The following HSCB variants were observed in gnomAD, a reference collection of about 807,000 sequenced individuals.
HSCB encodes HscB mitochondrial iron-sulfur cluster cochaperone, also known as iron-sulfur cluster co-chaperone protein HscB.
In HSCB, 23 loss-of-function variants were observed where a neutral mutation model predicts 31.3. The observed-to-expected ratio is 0.74, with a 90% CI of 0.53 to 1.04. The LOEUF is 1.04. Ranked by LOEUF, HSCB falls within the 50% of genes least tolerant of loss-of-function variation. HSCB has a pLI of 0.00. For missense variants in HSCB, 297 were observed against 288.1 expected (o/e 1.03, Z -0.22); for synonymous variants, 110 against 104.5 (o/e 1.05, Z -0.32).
At chr22:28,746,306 G>A (rs370439783) in intron 4 of HSCB, among the ~76,000 whole-genome samples, 2 of 147,552 alleles carry the variant, frequency 1.4e-5, no homozygotes, top group African/African-American at 2.5e-5. Flanking sequence ...GCGTGAACCC[G>A]AGAGGCAGAG....
chr22:28,748,605 C>A (rs1280407787), intron 4 of HSCB, among the ~76,000 whole-genome samples: 1 of 152,040 alleles, frequency 6.6e-6, no homozygotes, highest in African/African-American at 2.4e-5. Flanking sequence ...CTCCGCCTCC[C>A]AGGTTCCAGC....
At chr22:28,743,709 A>T (rs781560539) in intron 1 of HSCB, among the ~76,000 whole-genome samples, 173 bp from the exon 2 acceptor site, 1 of 152,152 alleles carries the variant, frequency 6.6e-6, no homozygotes, top group East Asian at 1.9e-4. Context: ...TTTGTCCACT[A>T]CATCTGCTAC....
intron 2 of HSCB, among the ~76,000 whole-genome samples, chr22:28,744,218 A>G (rs946475543): frequency 5.9e-5 from 9 of 152,238 alleles, no homozygotes; most frequent in Non-Finnish European, 8.8e-5. Flanking sequence ...CACCAGCTCT[A>G]CTTAACCACT....
At chr22:28,744,095 T>C (rs927843787) in intron 2 of HSCB, 117 bp downstream of exon 2, 9 of 833,800 alleles carry the variant, frequency 1.1e-5, no homozygotes, top group African/African-American at 8.3e-5. Flanking sequence ...GTCTGCCCCA[T>C]GGCAGTCTGA....
intron 5 of HSCB, among the ~76,000 whole-genome samples, chr22:28,755,124 A>T (rs77314977): frequency 2.1e-5 from 3 of 141,346 alleles, no homozygotes; most frequent in South Asian, 2.5e-4. Context: ...AAAAGATGTT[A>T]AATAGGCCGG....
At chr22:28,755,536 T>C (rs1322884874) in intron 5 of HSCB, among the ~76,000 whole-genome samples, 1 of 152,212 alleles carries the variant, frequency 6.6e-6, no homozygotes, top group Non-Finnish European at 1.5e-5. Flanking sequence ...TTTGTGTTAC[T>C]CATTCCCTTG....
intron 4 of HSCB, among the ~76,000 whole-genome samples, chr22:28,746,380 CAAAAAAAAAAAA>C (rs56751858): frequency 1.5e-4 from 11 of 71,576 alleles, no homozygotes; most frequent in Non-Finnish European, 2.8e-4. Flanking sequence ...GACTCCATCT[CAAAAAAAAAAAA>C]AAAAAAAAAA....
chr22:28,757,010 T>C (rs1404115508), intron 5 of HSCB, 68 bp from the exon 6 acceptor site: 4 of 876,038 alleles, frequency 4.6e-6, no homozygotes, highest in Non-Finnish European at 7.8e-6. Flanking sequence ...ATCGCTGCCC[T>C]AGTCATCAGA....
chr22:28,744,238 G>T (rs1400246604), intron 2 of HSCB, among the ~76,000 whole-genome samples: 1 of 152,192 alleles, frequency 6.6e-6, no homozygotes, highest in African/African-American at 2.4e-5. Context: ...TTCCTTAGGT[G>T]CCTGCCCATT....
At position 28,751,260 on chromosome 22, in the gene HSCB, T is replaced by C. The variant is rs1201803586; in HGVS notation, c.588T>C (p.Thr196=). 2 of 1,601,314 alleles carry C rather than the reference T, an allele frequency of 1.2e-6. No homozygotes were observed. The highest frequency in any genetic ancestry group is 8.5e-7 in the Non-Finnish European group (1 of 1,171,986). ...SIVKAKQKEF[T]DNVSSAFEQD... ...TTTCAGCTAAACAGAAAGAATTTACTGACAATGTGAGCAGTGCTTTTGAAC... is the reference window on the plus strand; with the variant it reads ...TTTCAGCTAAACAGAAAGAATTTACCGACAATGTGAGCAGTGCTTTTGAAC... The change falls in exon 5 of 6, where the codon ACT becomes ACC. Residue 196 remains threonine (T), a synonymous_variant. Coordinates refer to ENST00000216027, the MANE Select transcript of HSCB (RefSeq NM_172002.5).
intron 4 of HSCB, among the ~76,000 whole-genome samples, chr22:28,749,369 T>G (rs1308792926): frequency 6.6e-6 from 1 of 152,114 alleles, no homozygotes; most frequent in African/African-American, 2.4e-5. Context: ...AGTTAACCCC[T>G]CCTTCTTCAG....
At chr22:28,749,002 G>A (rs927886827) in intron 4 of HSCB, among the ~76,000 whole-genome samples, 4 of 152,114 alleles carry the variant, frequency 2.6e-5, no homozygotes, top group African/African-American at 9.7e-5. Context: ...TTAACCAGAT[G>A]TGGTGGCGCA....
intron 2 of HSCB, 25 bp downstream of exon 2, chr22:28,744,003 A>G (rs1183180744): frequency 6.7e-7 from 1 of 1,503,052 alleles, no homozygotes; most frequent in Admixed American, 1.7e-5. Flanking sequence ...AACCCCAATA[A>G]TCCCCAAATA....
rs1569181250 is a variant in HSCB at position 28,742,273 on chromosome 22, C to T, written c.178C>T (p.Gln60Ter). ...PGREDRFFCP[Q>*]CRALQAPDPT... The stretch of plus-strand genomic sequence containing the variant: ...GCGGGAGGACAGGTTCTTCTGCCCA[C>T]AGTGCCGAGCGCTGCAGGCACCTGA... Residue 60 changes from glutamine (Q) to a stop codon, truncating the protein, a stop_gained, in exon 1 of 6, where the codon CAG (glutamine) becomes TAG (stop). Coordinates refer to ENST00000216027, the MANE Select transcript of HSCB (RefSeq NM_172002.5). LOFTEE classifies it high-confidence loss of function. 1 of 1,614,052 alleles carries T rather than the reference C, an allele frequency of 6.2e-7. No homozygotes were observed. The highest frequency in any genetic ancestry group is 8.5e-7 in the Non-Finnish European group (1 of 1,180,036).
rs142278980 is a variant in HSCB at position 28,755,955 on chromosome 22, C to G, written c.617-1123C>G. ...GGCAAAATCATCCCCAGTTGAAAAT[C>G]ACTGGTCTGGCCAGGCATGGTGGCT... On this transcript the variant is annotated intron_variant, in intron 5 of 5. Transcript: ENST00000216027. Among the ~76,000 whole-genome samples, 19 of 152,232 alleles carry G rather than the reference C, an allele frequency of 1.2e-4. No homozygotes were observed. The East Asian group carries it at 3.7e-3, about 29-fold the overall frequency.
At chr22:28,756,067 T>C (rs1049663993) in intron 5 of HSCB, among the ~76,000 whole-genome samples, 1 of 151,720 alleles carries the variant, frequency 6.6e-6, no homozygotes, top group Non-Finnish European at 1.5e-5. Flanking sequence ...GCCAACATGG[T>C]GAAACCCTGC....
chr22:28,745,826 C>T, intron 3 of HSCB, 38 bp from the exon 4 acceptor site: 2 of 1,564,156 alleles, frequency 1.3e-6, no homozygotes, highest in Non-Finnish European at 8.7e-7. Flanking sequence ...CTGCCCATAG[C>T]TTCTTCAACT....
intron 2 of HSCB, 68 bp from the exon 3 acceptor site, chr22:28,744,542 TCAAAA>T: frequency 8.5e-7 from 1 of 1,175,206 alleles, no homozygotes; most frequent in Non-Finnish European, 1.3e-6. Context: ...TGACTCAACG[TCAAAA>T]CAAAAACAAA....
intron 4 of HSCB, among the ~76,000 whole-genome samples, chr22:28,749,484 A>G (rs939131587): frequency 1.3e-5 from 2 of 152,156 alleles, no homozygotes; most frequent in Non-Finnish European, 2.9e-5. Flanking sequence ...TTACTGTTCT[A>G]TGTGACATTA....
Sources: allele counts gnomAD v4.1 joint callset (sites outside exome capture counted in the v4.1 genomes callset), GRCh38; gene constraint gnomAD v4.1.1; transcripts MANE v1.5; gene names NCBI Gene and HGNC (gene_info 2026-07-23, HGNC 2026-07-21).